Variants in SAMD11 observed in about 807,000 individuals in gnomAD.
SAMD11 encodes the protein sterile alpha motif domain containing 11.
SAMD11 carries 77 observed loss-of-function variants against 64.4 expected under a neutral mutation model. That is an observed-to-expected ratio of 1.20 (90% CI 0.99 to 1.44). The LOEUF is 1.44. SAMD11 is among the 40% of genes most tolerant of loss of function. The pLI is 0.00. For missense variants in SAMD11, 1,402 were observed against 943.3 expected (o/e 1.49, Z -6.37); for synonymous variants, 658 against 421.9 (o/e 1.56, Z -6.86).
intron 2 of SAMD11, among the ~76,000 whole-genome samples, chr1:927,195 C>T (rs774087815): frequency 4.8e-4 from 73 of 152,310 alleles, no homozygotes; most frequent in Non-Finnish European, 8.7e-4. Context: ...CAGCCGGCAG[C>T]CCCCTGTCTG....
chr1:924,514 TGCCGCTGCC>T lies in SAMD11; in HGVS notation c.93_101del (p.Pro32_Pro34del), dbSNP rs914041204. On this transcript the variant is annotated inframe_deletion, in exon 1 of 14. Transcript: ENST00000616016. ...ACGTTCCACCCGACCCTGGCCGCGC[TGCCGCTGCC>T]GCCGCTGCCAGGCTACCTGGCGCCA... 6.7e-6 allele frequency: 1 copy of T among 149,986 alleles called. No homozygotes were observed. Among genetic ancestry groups the T allele is most frequent in the African/African-American group, 2.4e-5 (1 of 41,118 alleles). 9.3% of individuals were successfully genotyped at this position (149,986 alleles called of 1,614,324 possible).
intron 1 of SAMD11, 139 bp from the exon 2 acceptor site, chr1:925,783 C>A (rs1454472792): frequency 1.1e-5 from 7 of 648,822 alleles, no homozygotes; most frequent in African/African-American, 3.6e-5. Context: ...GGGAAGCGGG[C>A]TGGGAAGTCG....
intron 8 of SAMD11, 124 bp from the exon 9 acceptor site, chr1:942,012 G>A (rs983142207): frequency 2.4e-6 from 1 of 411,344 alleles, no homozygotes; most frequent in East Asian, 3.7e-5. Flanking sequence ...ACCTGGGGCC[G>A]TAACGAGCTG....
rs1641744841 is a variant in SAMD11, at chr1:941,203, G to A, written c.1255G>A (p.Glu419Lys). 3.1e-6 allele frequency: 5 copies of A among 1,601,668 alleles called. No individual in the cohort carries two copies. The highest frequency in any genetic ancestry group is 1.3e-5 in the African/African-American group (1 of 74,740). Residue 419 changes from glutamate to lysine, a missense_variant, in exon 8 of 14, where the codon GAA (glutamate) becomes AAA (lysine). By Grantham distance (56) the Glu-to-Lys change is moderately conservative. Transcript: ENST00000616016. ...AGCTCTGAGGGGCCCCAGTGGCCTG[G>A]AAGCCCACCTGCCCTCCTCCACGGC... ...AAALRGPSGL[E>K]AHLPSSTAGQ... is the part of the protein sequence containing the mutation.
At chr1:937,520 TAACCC>T (rs1641522696) in intron 5 of SAMD11, among the ~76,000 whole-genome samples, 1 of 151,706 alleles carries the variant, frequency 6.6e-6, no homozygotes. Flanking sequence ...GAGGCCTTGC[TAACCC>T]TGAGGGCATG....
chr1:941,642 T>C (rs962757511), intron 8 of SAMD11, among the ~76,000 whole-genome samples: 7 of 151,824 alleles, frequency 4.6e-5, no homozygotes, highest in Non-Finnish European at 5.9e-5. Flanking sequence ...GGCGCTCAAA[T>C]GTAGACGCCG....
chr1:930,545 C>T (rs375924389), intron 3 of SAMD11, among the ~76,000 whole-genome samples: 2 of 152,326 alleles, frequency 1.3e-5, no homozygotes, highest in African/African-American at 4.8e-5. Context: ...TGCTCTGCGG[C>T]GCTCACTGGC....
chr1:936,136 G>A (rs1557605117), intron 5 of SAMD11, among the ~76,000 whole-genome samples: 1 of 152,232 alleles, frequency 6.6e-6, no homozygotes, highest in Non-Finnish European at 1.5e-5. Context: ...CCGGGGCCCT[G>A]CCACCCCCTT....
chr1:942,741 C>T lies in SAMD11; in HGVS notation c.1736C>T (p.Pro579Leu). Reference protein sequence around the residue: ...PLLALPPQGPPGSGPPTPSRD... With the variant: ...PLLALPPQGPLGSGPPTPSRD... ...CTGGCCCTGCCCCCCCAGGGGCCCC[C>T]GGGCTCCGGACCCCCCACCCCGTCC... Residue 579 changes from proline (P) to leucine (L), a missense_variant, in exon 11 of 14, where the codon CCG (proline) becomes CTG (leucine). Coordinates refer to ENST00000616016, the MANE Select transcript of SAMD11 (RefSeq NM_001385641.1). The T allele has an allele frequency of 4.0e-6, 6 of 1,483,420 alleles. No homozygotes were observed. Among genetic ancestry groups the T allele is most frequent in the Non-Finnish European group, 5.3e-6 (6 of 1,124,964 alleles). The allele number at this position is 1,483,420 out of a possible 1,614,324, so 91.9% of individuals were successfully genotyped here.
intron 7 of SAMD11, 176 bp downstream of exon 7, chr1:939,588 T>C: frequency 2.5e-6 from 3 of 1,188,622 alleles, no homozygotes; most frequent in Non-Finnish European, 3.5e-6. Context: ...CCACACGTCC[T>C]GCCCCATGCC....
Position 944,405 on chromosome 1 carries a change from T to TC in SAMD11, c.*257dup. 8.4e-7 allele frequency: 1 copy of TC among 1,185,018 alleles called. No individual in the cohort carries two copies. Among genetic ancestry groups the TC allele is most frequent in the Non-Finnish European group, 1.1e-6 (1 of 908,864 alleles). 73.4% of individuals were successfully genotyped at this position (1,185,018 alleles called of 1,614,324 possible). A position where few individuals can be genotyped will look rare whatever the true frequency, so the allele number is the denominator to read the frequency against. ...GGAAGGGGCCAGGGGCCTGCAGGCC[T>TC]CCCCCTGGAACTGGGACTGGTCTCG... On this transcript the variant is annotated 3_prime_UTR_variant, in exon 14 of 14. Coordinates refer to ENST00000616016, the MANE Select transcript of SAMD11 (RefSeq NM_001385641.1).
chr1:941,165 A>T lies in SAMD11; in HGVS notation c.1217A>T (p.Glu406Val), dbSNP rs1387532167. ...CCAGATCTCCTGAGGGTCCGGCAGGAGGTGGCGGCTGCAGCTCTGAGGGGC... is the reference window on the plus strand; with the variant it reads ...CCAGATCTCCTGAGGGTCCGGCAGGTGGTGGCGGCTGCAGCTCTGAGGGGC... ...PSHDLLRVRQ[E>V]VAAAALRGPS... Residue 406 changes from glutamate to valine, a missense_variant, in exon 8 of 14, where the codon GAG becomes GTG. Transcript: ENST00000616016. 1 of 1,601,198 alleles carries T rather than the reference A, an allele frequency of 6.2e-7. No homozygotes were observed.
At chr1:942,341 G>C (rs1385683050) in intron 9 of SAMD11, 69 bp from the exon 10 acceptor site, 4 of 1,140,008 alleles carry the variant, frequency 3.5e-6, no homozygotes, top group Non-Finnish European at 4.8e-6. Context: ...GGACCGGGTA[G>C]GGGATTGCAA....
At position 937,403 on chromosome 1, in the gene SAMD11, C is replaced by A. The variant is rs957336648; in HGVS notation, c.967+1507C>A. Among the ~76,000 whole-genome samples the A allele has an allele frequency of 1.1e-3, 171 of 151,272 alleles. 1 individual carries two copies. Among genetic ancestry groups the A allele is most frequent in the Middle Eastern group, 3.4e-3 (1 of 294 alleles). On this transcript the variant is annotated intron_variant, in intron 5 of 13. Transcript: ENST00000616016. ...GCAGGCCCCCTTCCACCTGCCCCCC[C>A]CCCCACCCAGTCACCTCCCCCAGGC...
At chr1:940,290 GCCGCCGCCCCCCCCCCCCGCC>G (rs1172044755) in intron 7 of SAMD11, 3 of 53,278 alleles carry the variant, frequency 5.6e-5, no homozygotes, top group Non-Finnish European at 7.5e-5. Context: ...ATCAGGCCGC[GCCGCCGCCCCCCCCCCCCGCC>G]CCGCCGCGGA....
chr1:928,209 C>A (rs568159093), intron 2 of SAMD11, among the ~76,000 whole-genome samples: 18 of 149,068 alleles, frequency 1.2e-4, no homozygotes, highest in Middle Eastern at 3.5e-3. Context: ...CTGACTAACA[C>A]GGTGAAACCC....
chr1:941,589 G>A (rs1187891299), intron 8 of SAMD11, among the ~76,000 whole-genome samples: 2 of 152,072 alleles, frequency 1.3e-5, no homozygotes, highest in African/African-American at 2.4e-5. Flanking sequence ...GGGAGGGGTC[G>A]GCCAGAGGAC....
At chr1:939,162 C>T (rs1641613398) in intron 6 of SAMD11, 33 bp downstream of exon 6, 1 of 1,559,848 alleles carries the variant, frequency 6.4e-7, no homozygotes, top group Non-Finnish European at 8.7e-7. Context: ...AGACAGGTCA[C>T]CAGGGGAGGG....
chr1:930,134 C>T, intron 2 of SAMD11, 21 bp from the exon 3 acceptor site: 11 of 1,547,680 alleles, frequency 7.1e-6, no homozygotes, highest in Non-Finnish European at 9.6e-6. Flanking sequence ...GCCCCACCTT[C>T]CTCTCCTCCT....
Sources: gnomAD v4.1 joint callset for allele counts (sites outside exome capture counted in the v4.1 genomes callset) on GRCh38, gnomAD v4.1.1 for gene constraint, MANE v1.5 for transcripts, NCBI Gene and HGNC (gene_info 2026-07-23, HGNC 2026-07-21) for gene names.